The following GAPVD1 variants were observed in gnomAD, a reference collection of about 807,000 sequenced individuals.
GAPVD1 encodes GTPase activating protein and VPS9 domains 1, also known as GTPase-activating protein and VPS9 domain-containing protein 1.
Under a neutral mutation model 155.5 loss-of-function variants are expected in GAPVD1, and 35 were observed. The observed-to-expected ratio is 0.23, with a 90% CI of 0.17 to 0.30. The LOEUF is 0.30. GAPVD1 is among the 10% of genes least tolerant of loss of function. The probability of loss-of-function intolerance (pLI) is 1.00; values close to 1 mark genes in which losing one functional copy is unlikely to be tolerated. For missense variants in GAPVD1, 1,429 were observed against 1,775.7 expected (o/e 0.80, Z 3.51); for synonymous variants, 636 against 619.7 (o/e 1.03, Z -0.39).
At chr9:125,302,948 C>T in intron 5 of GAPVD1, 122 bp downstream of exon 5, 1 of 1,172,398 alleles carries the variant, frequency 8.5e-7, no homozygotes, top group Admixed American at 2.7e-5. Context: ...TTTTCTCAAC[C>T]AGTCCTAAGT....
chr9:125,365,944 AT>A lies in GAPVD1; in HGVS notation c.*3200del, dbSNP rs1456424241. 6.6e-6 allele frequency: 1 copy of A among 152,222 alleles called. No individual in the cohort carries two copies. Among genetic ancestry groups the A allele is most frequent in the African/African-American group, 2.4e-5 (1 of 41,460 alleles). The allele number at this position is 152,222 out of a possible 1,614,324, so 9.4% of individuals were successfully genotyped here. A position where few individuals can be genotyped will look rare whatever the true frequency, so the allele number is the denominator to read the frequency against. On this transcript the variant is annotated 3_prime_UTR_variant, in exon 28 of 28. Transcript: ENST00000297933. ...GTGAGCCACCGTGCCCAACCACAAAATTATATGTATATATATTTAAACGTGT... is the reference window on the plus strand; with the variant it reads ...GTGAGCCACCGTGCCCAACCACAAAATATATGTATATATATTTAAACGTGT...
chr9:125,302,912 G>C, intron 5 of GAPVD1, 86 bp downstream of exon 5: 1 of 1,460,966 alleles, frequency 6.8e-7, no homozygotes. Context: ...ATAATACGAT[G>C]ACAGTATTTG....
Position 125,349,481 on chromosome 9 carries a change from C to T in GAPVD1, c.3261C>T (p.Ser1087=), listed in dbSNP as rs746894109. Residue 1087 remains serine, a synonymous_variant, in exon 21 of 28, where the codon AGC becomes AGT. Transcript: ENST00000297933. ...ISADDLPDSA[S]QAAHPQDSAF... is the part of the protein sequence containing the mutation. Reference sequence around the variant, plus strand: ...CTGATGATCTCCCAGACTCTGCAAGCCAAGCAGCCCACCCGCAGGATTCAG... The same window carrying T: ...CTGATGATCTCCCAGACTCTGCAAGTCAAGCAGCCCACCCGCAGGATTCAG... 8.7e-6 allele frequency: 14 copies of T among 1,614,002 alleles called. No homozygotes were observed. The South Asian group carries it at 1.4e-4, about 16-fold the overall frequency.
intron 2 of GAPVD1, among the ~76,000 whole-genome samples, chr9:125,277,771 G>A (rs1339350086): frequency 6.6e-6 from 1 of 150,854 alleles, no homozygotes; most frequent in East Asian, 2.0e-4. Context: ...CCAGGCTCAA[G>A]CAGTCCTCCT....
intron 20 of GAPVD1, among the ~76,000 whole-genome samples, chr9:125,347,515 C>A (rs1848657905): frequency 6.6e-6 from 1 of 152,082 alleles, no homozygotes; most frequent in Admixed American, 6.6e-5. Flanking sequence ...CACTTGAGGC[C>A]AGGAGTTTGA....
rs202039841 is a variant in GAPVD1, at chr9:125,305,039, C to G, written c.1030-24C>G. ...GAGTATCTGTCTGTAGCTTATGTCT[C>G]CCTACCACTGCTTTGGGTTGCAGGT... On this transcript the variant is annotated intron_variant, in intron 5 of 27. Coordinates refer to ENST00000297933, the MANE Select transcript of GAPVD1 (RefSeq NM_001282680.3). 5.3e-4 allele frequency: 816 copies of G among 1,526,878 alleles called. 13 individuals are homozygous for G. In the South Asian group the frequency reaches 8.7e-3, roughly 16 times the overall value. 94.6% of individuals were successfully genotyped at this position (1,526,878 alleles called of 1,614,324 possible).
Position 125,302,436 on chromosome 9 carries a change from T to G in GAPVD1, c.639T>G (p.Asp213Glu), listed in dbSNP as rs1841049470. Residue 213 changes from aspartate to glutamate, a missense_variant, in exon 5 of 28, where the codon GAT (aspartate) becomes GAG (glutamate). This residue lies in a region of GAPVD1 where 628 missense variants were observed against 733.4 expected (regional missense o/e 0.86). Coordinates refer to ENST00000297933, the MANE Select transcript of GAPVD1 (RefSeq NM_001282680.3). ...TGCAACTGCTTGTTGAAGATGAAGA[T>G]CACCTGGAAACAGATCCAAACAAGC... ...PIMQLLVEDE[D>E]HLETDPNKLI... 1.2e-6 allele frequency: 2 copies of G among 1,613,652 alleles called. No individual in the cohort carries two copies. The highest frequency in any genetic ancestry group is 1.7e-6 in the Non-Finnish European group (2 of 1,179,812).
chr9:125,279,149 C>A (rs1836303687), intron 2 of GAPVD1, among the ~76,000 whole-genome samples: 1 of 150,124 alleles, frequency 6.7e-6, no homozygotes, highest in Non-Finnish European at 1.5e-5. Context: ...GAGGCAGAGG[C>A]TGCAGTGAGC....
chr9:125,290,994 T>TA (rs35661152), intron 2 of GAPVD1, among the ~76,000 whole-genome samples: 58,974 of 115,318 alleles, frequency 0.51, 13,385 homozygotes, highest in African/African-American at 0.57. Context: ...TGTCTCAAAG[T>TA]AAAAAAAAAA....
rs1046068767 is a variant in GAPVD1 at position 125,364,564 on chromosome 9, C to T, written c.*1818C>T. 7.2e-5 allele frequency: 11 copies of T among 152,154 alleles called. No homozygotes were observed. Among genetic ancestry groups the T allele is most frequent in the Non-Finnish European group, 1.6e-4 (11 of 68,034 alleles). 9.4% of individuals were successfully genotyped at this position (152,154 alleles called of 1,614,324 possible). A position where few individuals can be genotyped will look rare whatever the true frequency, so the allele number is the denominator to read the frequency against. ...AGCCAGAAACTAGATTTTCTTTATG[C>T]CTCCACCCCTTCTTATTCATTTACT... is the stretch of plus-strand genomic sequence containing the variant. On this transcript the variant is annotated 3_prime_UTR_variant, in exon 28 of 28. Coordinates refer to ENST00000297933, the MANE Select transcript of GAPVD1 (RefSeq NM_001282680.3).
chr9:125,345,449 G>GAAT (rs1022749776), intron 19 of GAPVD1, among the ~76,000 whole-genome samples: 16 of 152,260 alleles, frequency 1.1e-4, no homozygotes, highest in African/African-American at 3.4e-4. Context: ...CAAAGTGCTA[G>GAAT]GATTACAGGC....
chr9:125,318,375 G>A (rs993438321), intron 9 of GAPVD1, among the ~76,000 whole-genome samples: 13 of 152,204 alleles, frequency 8.5e-5, no homozygotes, highest in African/African-American at 2.4e-4. Flanking sequence ...TTAGATTTTC[G>A]TATTTTATAC....
chr9:125,335,473 C>G (rs184231569), intron 15 of GAPVD1, among the ~76,000 whole-genome samples: 1 of 151,616 alleles, frequency 6.6e-6, no homozygotes, highest in Admixed American at 6.6e-5. Flanking sequence ...GTCAGGAGAT[C>G]GAGACCATCC....
intron 20 of GAPVD1, among the ~76,000 whole-genome samples, chr9:125,348,680 T>G (rs1848878001): frequency 6.6e-6 from 1 of 152,040 alleles, no homozygotes; most frequent in Non-Finnish European, 1.5e-5. Context: ...CGTGGCTGAT[T>G]TTTGTATTTT....
intron 6 of GAPVD1, among the ~76,000 whole-genome samples, chr9:125,306,352 GGTT>G (rs938075178): frequency 2.6e-5 from 4 of 152,014 alleles, no homozygotes; most frequent in African/African-American, 9.7e-5. Context: ...GATGTTATTA[GGTT>G]GTTTTTCCTT....
Position 125,332,497 on chromosome 9 carries a change from T to C in GAPVD1, c.2309-13T>C. 1 of 1,559,342 alleles carries C rather than the reference T, an allele frequency of 6.4e-7. No homozygotes were observed. The highest frequency in any genetic ancestry group is 8.7e-7 in the Non-Finnish European group (1 of 1,150,152). On this transcript the variant is annotated splice_polypyrimidine_tract_variant and intron_variant, in intron 14 of 27. Coordinates refer to ENST00000297933, the MANE Select transcript of GAPVD1 (RefSeq NM_001282680.3). The stretch of plus-strand genomic sequence containing the variant: ...TCTTCTTCCTGTTTATTTTTTACTA[T>C]TGTTTTTTAAAGGCATAAGTGCAAC...
intron 19 of GAPVD1, among the ~76,000 whole-genome samples, chr9:125,344,864 G>T (rs2132202294): frequency 6.6e-6 from 1 of 150,590 alleles, no homozygotes; most frequent in Admixed American, 6.6e-5. Flanking sequence ...ACAAGATTCT[G>T]TAATGATAAA....
rs62637638 is a variant in GAPVD1 at position 125,312,508 on chromosome 9, G to A, written c.1498G>A (p.Gly500Arg). 1,258 of 1,609,504 alleles carry A rather than the reference G, an allele frequency of 7.8e-4. No individual in the cohort carries two copies. The highest frequency in any genetic ancestry group is 9.5e-4 in the Non-Finnish European group (1,119 of 1,177,556). ...MLMDLHMDHE[G>R]SSQETIQEVQ... ...AATGGACCTACATATGGACCATGAA[G>A]GATCATCTCAAGAAACCATTCAGGA... Residue 500 changes from glycine to arginine, a missense_variant, in exon 9 of 28, where the codon GGA (glycine) becomes AGA (arginine). Gly to Arg is a moderately radical substitution (Grantham distance 125). Coordinates refer to ENST00000297933, the MANE Select transcript of GAPVD1 (RefSeq NM_001282680.3).
chr9:125,297,111 C>G (rs1239476900), intron 3 of GAPVD1, among the ~76,000 whole-genome samples: 1 of 152,172 alleles, frequency 6.6e-6, no homozygotes, highest in African/African-American at 2.4e-5. Flanking sequence ...AATAATAATG[C>G]TTTAAAATAT....
Sources: gnomAD v4.1 joint callset for allele counts (sites outside exome capture counted in the v4.1 genomes callset) on GRCh38, gnomAD v4.1.1 for gene constraint, gnomAD v4.1.1 regional missense constraint, MANE v1.5 for transcripts, NCBI Gene and HGNC (gene_info 2026-07-23, HGNC 2026-07-21) for gene names.